Variants in PSD3 observed in about 807,000 individuals in gnomAD.
PSD3 encodes the protein PH and SEC7 domain-containing protein 3.
PSD3 carries 49 observed loss-of-function variants against 105.5 expected under a neutral mutation model. That is an observed-to-expected ratio of 0.46 (90% confidence interval 0.37 to 0.59). PSD3 has a LOEUF of 0.59. Ranked by LOEUF, PSD3 falls within the 20% of genes least tolerant of loss-of-function variation. The probability of loss-of-function intolerance (pLI) is 0.00; values close to 1 mark genes in which losing one functional copy is unlikely to be tolerated. For missense variants in PSD3, 1,561 were observed against 1,263.8 expected, an observed-to-expected ratio of 1.24 and a Z score of -3.57; for synonymous variants, 557 against 457.8, an observed-to-expected ratio of 1.22 and a Z score of -2.77.
intron 9 of PSD3, among the ~76,000 whole-genome samples, chr8:18,683,355 G>C (rs1800488100): frequency 1.3e-5 from 2 of 152,106 alleles, no homozygotes; most frequent in African/African-American, 2.4e-5. Context: ...GAAGACCAGG[G>C]GAGGAAAGGA....
intron 4 of PSD3, among the ~76,000 whole-genome samples, chr8:18,840,206 C>T (rs920648357): frequency 6.6e-6 from 1 of 152,096 alleles, no homozygotes; most frequent in African/African-American, 2.4e-5. Context: ...TGCAAATGTC[C>T]CCCCCACATC....
intron 1 of PSD3, among the ~76,000 whole-genome samples, chr8:18,985,290 A>C (rs1032185864): frequency 6.6e-6 from 1 of 152,128 alleles, no homozygotes; most frequent in Non-Finnish European, 1.5e-5. Context: ...TCTGGAACTG[A>C]AACACTATAC....
intron 1 of PSD3, among the ~76,000 whole-genome samples, chr8:19,054,582 T>C (rs896072309): frequency 2.6e-5 from 4 of 152,226 alleles, no homozygotes; most frequent in Admixed American, 2.6e-4. Context: ...TCTGCCGTAA[T>C]TTTTTATATG....
intron 4 of PSD3, among the ~76,000 whole-genome samples, chr8:18,850,033 T>A (rs745641912): frequency 4.6e-5 from 7 of 152,256 alleles, no homozygotes; most frequent in Admixed American, 3.9e-4. Context: ...GTTATCCTAT[T>A]ACTGTCATCT....
At chr8:18,622,538 T>C (rs1332999096) in intron 11 of PSD3, among the ~76,000 whole-genome samples, 2 of 152,202 alleles carry the variant, frequency 1.3e-5, no homozygotes, top group Admixed American at 6.5e-5. Context: ...TCTGTAGTTT[T>C]ATGGAGCATA....
chr8:18,596,406 G>C (rs544265332), intron 12 of PSD3, among the ~76,000 whole-genome samples: 1 of 151,420 alleles, frequency 6.6e-6, no homozygotes, highest in African/African-American at 2.4e-5. Context: ...ACGAAATAGA[G>C]AAATGAAAAT....
At chr8:18,705,534 C>CAAAAAAAAAAAAAA (rs34331384) in intron 9 of PSD3, among the ~76,000 whole-genome samples, 1 of 88,446 alleles carries the variant, frequency 1.1e-5, no homozygotes, top group Non-Finnish European at 2.1e-5. Flanking sequence ...CTGTCTCAAG[C>CAAAAAAAAAAAAAA]AAAAAAAAAA....
chr8:18,916,044 G>A (rs1586414323), intron 2 of PSD3, among the ~76,000 whole-genome samples: 1 of 151,770 alleles, frequency 6.6e-6, no homozygotes, highest in East Asian at 2.0e-4. Context: ...TGCAGTGAGC[G>A]GAGATCGTGC....
chr8:18,780,595 A>G (rs1808514190), intron 8 of PSD3, among the ~76,000 whole-genome samples: 1 of 152,016 alleles, frequency 6.6e-6, no homozygotes, highest in Non-Finnish European at 1.5e-5. Context: ...TCTGTTGCCC[A>G]GGCTGGAGTG....
chr8:18,826,263 C>A (rs1813177930), intron 4 of PSD3, among the ~76,000 whole-genome samples: 1 of 152,144 alleles, frequency 6.6e-6, no homozygotes, highest in African/African-American at 2.4e-5. Context: ...CGCAGATGGC[C>A]GATCGTGGGA....
intron 2 of PSD3, among the ~76,000 whole-genome samples, chr8:18,914,614 A>C (rs1055559517): frequency 4.6e-5 from 7 of 152,226 alleles, no homozygotes; most frequent in African/African-American, 1.7e-4. Context: ...CTCATTTGTA[A>C]CACCTACAAA....
intron 9 of PSD3, among the ~76,000 whole-genome samples, chr8:18,701,324 A>G (rs2129416866): frequency 6.6e-6 from 1 of 152,214 alleles, no homozygotes; most frequent in African/African-American, 2.4e-5. Context: ...TTTTGGTCAC[A>G]AGAAATGCTG....
intron 9 of PSD3, among the ~76,000 whole-genome samples, chr8:18,728,686 G>C (rs540124960): frequency 3.2e-4 from 48 of 152,212 alleles, no homozygotes; most frequent in Non-Finnish European, 6.2e-4. Context: ...CGCTGCGTGA[G>C]CTAAAAATGT....
At chr8:18,849,222 T>C (rs1457591912) in intron 4 of PSD3, 1 of 152,206 alleles carries the variant, frequency 6.6e-6, no homozygotes, top group Non-Finnish European at 1.5e-5. Context: ...ACATTGCAAA[T>C]GAAAGGGTCT....
chr8:18,920,793 A>G (rs1406991230), intron 2 of PSD3, among the ~76,000 whole-genome samples: 1 of 152,124 alleles, frequency 6.6e-6, no homozygotes, highest in Non-Finnish European at 1.5e-5. Context: ...CACCTATTAA[A>G]GGCTAGTAGC....
chr8:19,009,351 A>G (rs1164138705), intron 1 of PSD3, among the ~76,000 whole-genome samples: 1 of 152,186 alleles, frequency 6.6e-6, no homozygotes, highest in Non-Finnish European at 1.5e-5. Flanking sequence ...TAAAAACAGA[A>G]TGGTGGTTAA....
At chr8:18,957,726 T>G (rs1033085791) in intron 1 of PSD3, among the ~76,000 whole-genome samples, 1 of 152,186 alleles carries the variant, frequency 6.6e-6, no homozygotes, top group African/African-American at 2.4e-5. Flanking sequence ...ACACAGCAGT[T>G]TCCGAGGTTC....
At chr8:18,874,525 T>C (rs993889916) in intron 2 of PSD3, among the ~76,000 whole-genome samples, 3 of 151,896 alleles carry the variant, frequency 2.0e-5, no homozygotes, top group African/African-American at 7.3e-5. Context: ...AAATATTTTA[T>C]AAATGTCTGT....
Position 18,872,485 on chromosome 8 carries a change from T to G in PSD3, c.379A>C (p.Ser127Arg), listed in dbSNP as rs751108573. ...ATCAAAGAGTCAATGGGCTGTAAACTTTGTTCCTTGAGATGACTTTGAGAG... is the reference window on the plus strand; with the variant it reads ...ATCAAAGAGTCAATGGGCTGTAAACGTTGTTCCTTGAGATGACTTTGAGAG... ...APSQSHLKEQ[S>R]LQPIDSLISA... Residue 127 changes from serine (S) to arginine (R), a missense_variant, in exon 3 of 16, where the codon AGT (serine) becomes CGT (arginine). Ser to Arg is a moderately radical substitution (Grantham distance 110, BLOSUM62 -1). Transcript: ENST00000327040. 3.7e-6 allele frequency: 6 copies of G among 1,614,188 alleles called. No individual in the cohort carries two copies. The highest frequency in any genetic ancestry group is 2.2e-5 in the East Asian group (1 of 44,876).
Sources: allele counts gnomAD v4.1 joint callset (sites outside exome capture counted in the v4.1 genomes callset), GRCh38; gene constraint gnomAD v4.1.1; transcripts MANE v1.5; gene names NCBI Gene and HGNC (gene_info 2026-07-23, HGNC 2026-07-21).